The following TRIM44 variants were observed in gnomAD, a reference collection of about 807,000 sequenced individuals.
The protein encoded by TRIM44 is tripartite motif-containing protein 44.
Under a neutral mutation model 37.4 loss-of-function variants are expected in TRIM44, and 13 were observed. The ratio of observed to expected loss-of-function variants is 0.35; its 90% CI spans 0.23 to 0.55. The LOEUF (loss-of-function observed/expected upper bound fraction) is 0.55, where lower values mean the gene tolerates loss of function less well. Among genes scored for constraint, TRIM44 ranks in the 20% least tolerant of loss-of-function variants. TRIM44 has a pLI of 0.89. For synonymous variants in TRIM44, 175 were observed against 157.2 expected (o/e 1.11, Z -0.85); for missense variants, 426 against 437.2 (o/e 0.97, Z 0.23).
intron 2 of TRIM44, among the ~76,000 whole-genome samples, chr11:35,717,036 G>C (rs1215072539): frequency 2.0e-5 from 3 of 152,184 alleles, no homozygotes; most frequent in Non-Finnish European, 4.4e-5. Context: ...GAGGGGAAGG[G>C]TTCAGTTTGA....
At chr11:35,802,790 G>C (rs1853387342) in intron 4 of TRIM44, among the ~76,000 whole-genome samples, 2 of 152,148 alleles carry the variant, frequency 1.3e-5, no homozygotes, top group South Asian at 4.1e-4. Context: ...AGCCTTTCTA[G>C]TTAGTACCTG....
intron 4 of TRIM44, among the ~76,000 whole-genome samples, chr11:35,739,371 C>A (rs1365734660): frequency 6.6e-6 from 1 of 152,156 alleles, no homozygotes; most frequent in South Asian, 2.1e-4. Flanking sequence ...CAGAGTTTAA[C>A]CACCAAGTGC....
chr11:35,730,009 A>G (rs1048483227), intron 3 of TRIM44, among the ~76,000 whole-genome samples: 1 of 152,226 alleles, frequency 6.6e-6, no homozygotes, highest in Non-Finnish European at 1.5e-5. Context: ...CTCAATTCTA[A>G]GGAGAAAAGA....
At chr11:35,776,812 C>G (rs1852972375) in intron 4 of TRIM44, among the ~76,000 whole-genome samples, 2 of 152,220 alleles carry the variant, frequency 1.3e-5, no homozygotes, top group South Asian at 4.1e-4. Context: ...GCACTGTGGT[C>G]TGAGAGACAG....
chr11:35,778,559 G>T (rs1009553260), intron 4 of TRIM44, among the ~76,000 whole-genome samples: 1 of 152,042 alleles, frequency 6.6e-6, no homozygotes, highest in African/African-American at 2.4e-5. Context: ...AGAATTTTTC[G>T]ATTTTCTGCT....
At chr11:35,706,502 A>C (rs1273038095) in intron 2 of TRIM44, among the ~76,000 whole-genome samples, 1 of 152,222 alleles carries the variant, frequency 6.6e-6, no homozygotes, top group Non-Finnish European at 1.5e-5. Context: ...ACATCGATGC[A>C]AAAATCCTCA....
rs750681236 is a variant in TRIM44 at position 35,807,308 on chromosome 11, C to G, written c.*923C>G. Reference sequence around the variant, plus strand: ...CCATTTTAGCCTAATTTGGCTTAAACGCAGTATGGGGAGAATTGTTCCCAT... The same window carrying G: ...CCATTTTAGCCTAATTTGGCTTAAAGGCAGTATGGGGAGAATTGTTCCCAT... On this transcript the variant is annotated 3_prime_UTR_variant, in exon 5 of 5. Transcript: ENST00000299413. 1 of 152,114 alleles carries G rather than the reference C, an allele frequency of 6.6e-6. No homozygotes were observed. Among genetic ancestry groups the G allele is most frequent in the Non-Finnish European group, 1.5e-5 (1 of 67,996 alleles). The allele number at this position is 152,114 out of a possible 1,614,324, so 9.4% of individuals were successfully genotyped here.
At chr11:35,681,936 T>G (rs1213287330) in intron 1 of TRIM44, among the ~76,000 whole-genome samples, 1 of 149,234 alleles carries the variant, frequency 6.7e-6, no homozygotes, top group Non-Finnish European at 1.5e-5. Context: ...CCCATGCCCC[T>G]GACCTATGTC....
At chr11:35,719,596 T>A (rs1852076963) in intron 2 of TRIM44, among the ~76,000 whole-genome samples, 1 of 152,284 alleles carries the variant, frequency 6.6e-6, no homozygotes, top group Non-Finnish European at 1.5e-5. Context: ...CTAACATTGA[T>A]GTTACATCTA....
chr11:35,721,915 C>T (rs1346156113), intron 2 of TRIM44, among the ~76,000 whole-genome samples: 1 of 152,178 alleles, frequency 6.6e-6, no homozygotes, highest in Non-Finnish European at 1.5e-5. Context: ...AAGCCTTGAC[C>T]TCCTTGTTGA....
At chr11:35,717,168 T>C (rs950934290) in intron 2 of TRIM44, among the ~76,000 whole-genome samples, 2 of 152,120 alleles carry the variant, frequency 1.3e-5, no homozygotes, top group Non-Finnish European at 2.9e-5. Flanking sequence ...ATGGAGGTAG[T>C]AGTTGAATTT....
intron 2 of TRIM44, among the ~76,000 whole-genome samples, chr11:35,698,070 A>G (rs1332093978): frequency 6.6e-6 from 1 of 151,990 alleles, no homozygotes; most frequent in African/African-American, 2.4e-5. Context: ...ACTCCCACCA[A>G]CAGTGTAAAA....
chr11:35,709,466 T>C (rs1466198951), intron 2 of TRIM44, among the ~76,000 whole-genome samples: 1 of 152,200 alleles, frequency 6.6e-6, no homozygotes, highest in Non-Finnish European at 1.5e-5. Context: ...CTAAATTTTA[T>C]ACCCCTAAAA....
intron 4 of TRIM44, among the ~76,000 whole-genome samples, chr11:35,761,405 C>G (rs34727292): frequency 1.3e-5 from 2 of 150,280 alleles, no homozygotes; most frequent in Admixed American, 6.6e-5. Flanking sequence ...CTCTCTCTCT[C>G]TATATATATA....
chr11:35,725,198 A>G (rs976080785), intron 2 of TRIM44, among the ~76,000 whole-genome samples: 1 of 152,280 alleles, frequency 6.6e-6, no homozygotes, highest in Middle Eastern at 3.4e-3. Flanking sequence ...TAAGACAACC[A>G]TATTTTCCCT....
At chr11:35,689,901 C>CT (rs1851621292) in intron 2 of TRIM44, among the ~76,000 whole-genome samples, 1 of 152,208 alleles carries the variant, frequency 6.6e-6, no homozygotes, top group African/African-American at 2.4e-5. Flanking sequence ...CACTTTCTCT[C>CT]TATTATGTAT....
chr11:35,725,897 T>C (rs765706060), intron 2 of TRIM44, 27 bp from the exon 3 acceptor site: 1 of 1,609,462 alleles, frequency 6.2e-7, no homozygotes, highest in Admixed American at 1.7e-5. Context: ...GTTCAACTTA[T>C]TCTTCTTATT....
At chr11:35,700,765 C>T (rs190345435) in intron 2 of TRIM44, among the ~76,000 whole-genome samples, 136 of 152,214 alleles carry the variant, frequency 8.9e-4, no homozygotes, top group Middle Eastern at 3.4e-3. Context: ...CATATGTCCC[C>T]GGGACTTATC....
At chr11:35,703,367 G>A (rs990133866) in intron 2 of TRIM44, among the ~76,000 whole-genome samples, 1 of 152,232 alleles carries the variant, frequency 6.6e-6, no homozygotes, top group Non-Finnish European at 1.5e-5. Flanking sequence ...AACCTCTGCA[G>A]ACTTAAATAT....
Sources: gnomAD v4.1 joint callset for allele counts (sites outside exome capture counted in the v4.1 genomes callset) on GRCh38, gnomAD v4.1.1 for gene constraint, MANE v1.5 for transcripts, NCBI Gene and HGNC (gene_info 2026-07-23, HGNC 2026-07-21) for gene names.